Variants in KIF7 observed in about 807,000 individuals in gnomAD.
KIF7 encodes the protein kinesin family member 7, also known as kinesin-like protein KIF7.
In KIF7, 104 loss-of-function variants were observed where a neutral mutation model predicts 135.7. The observed-to-expected ratio is 0.77, with a 90% CI of 0.65 to 0.90. KIF7 has a LOEUF of 0.90. KIF7 is among the 40% of genes least tolerant of loss of function. The probability of loss-of-function intolerance (pLI) is 0.00; values close to 1 mark genes in which losing one functional copy is unlikely to be tolerated. For synonymous variants in KIF7, 883 were observed against 809.4 expected, an observed-to-expected ratio of 1.09 and a Z score of -1.54; for missense variants, 2,005 against 1,839.1, an observed-to-expected ratio of 1.09 and a Z score of -1.65.
Position 89,628,423 on chromosome 15 carries a change from AG to A in KIF7, c.4027del (p.Leu1343CysfsTer36). 1.2e-6 allele frequency: 2 copies of A among 1,605,190 alleles called. No individual in the cohort carries two copies. The highest frequency in any genetic ancestry group is 1.7e-6 in the Non-Finnish European group (2 of 1,175,696). ...GGCAGGGTCTGCCCCGAGGGCTTAC[AG>A]GGGGTTTTTCCGGACATCAATCATC... ...PGMIDVRKNP[L>X] is the part of the protein sequence containing the mutation. On this transcript the variant is annotated frameshift_variant, in exon 19 of 19. Coordinates refer to ENST00000394412, the MANE Select transcript of KIF7 (RefSeq NM_198525.3). LOFTEE classifies it high-confidence loss of function.
At chr15:89,640,264 C>T (rs1963893837) in intron 11 of KIF7, among the ~76,000 whole-genome samples, 1 of 151,300 alleles carries the variant, frequency 6.6e-6, no homozygotes, top group African/African-American at 2.4e-5. Context: ...GCACATTGTG[C>T]ACATGTACCC....
intron 1 of KIF7, among the ~76,000 whole-genome samples, chr15:89,619,360 G>A (rs1232384511): frequency 6.6e-6 from 1 of 151,696 alleles, no homozygotes; most frequent in Admixed American, 6.6e-5. Context: ...CAAGTAGCTG[G>A]GGTTATAGGC....
intron 6 of KIF7, 56 bp downstream of exon 6, chr15:89,647,540 C>G: frequency 6.7e-7 from 1 of 1,483,414 alleles, no homozygotes; most frequent in Non-Finnish European, 9.4e-7. Context: ...TCAGCTCTGC[C>G]TTCCCTTCAT....
the KIF7 span, among the ~76,000 whole-genome samples, chr15:89,660,658 A>C: frequency 2.6e-5 from 4 of 152,224 alleles, no homozygotes; most frequent in African/African-American, 9.6e-5. Context: ...CAGGAGACAG[A>C]AATAAACTCC....
chr15:89,648,960 AG>A lies in KIF7; in HGVS notation c.923+13del. 2 of 1,525,630 alleles carry A rather than the reference AG, an allele frequency of 1.3e-6. No individual in the cohort carries two copies. The highest frequency in any genetic ancestry group is 2.5e-5 in the East Asian group (1 of 40,532). The allele number at this position is 1,525,630 out of a possible 1,614,324, so 94.5% of individuals were successfully genotyped here. ...CCGGCCCCCAGGCCACATAGGAGCC[AG>A]GGGGCAGCTCACCGGGTGATCTTGG... is the stretch of plus-strand genomic sequence containing the variant. On this transcript the variant is annotated intron_variant, in intron 4 of 18. Coordinates refer to ENST00000394412, the MANE Select transcript of KIF7 (RefSeq NM_198525.3).
At chr15:89,626,422 C>T (rs978251416), downstream of KIF7, among the ~76,000 whole-genome samples, 1 of 152,174 alleles carries the variant, frequency 6.6e-6, no homozygotes, top group Admixed American at 6.5e-5. Flanking sequence ...CGGGTTTATC[C>T]GCATGTTCTG....
At chr15:89,625,670 C>T (rs767658912), downstream of KIF7, 1 of 1,613,608 alleles carries the variant, frequency 6.2e-7, no homozygotes, top group East Asian at 2.2e-5. Context: ...GACCGTGGAG[C>T]CAAAAGGATC....
chr15:89,626,606 G>A (rs1963532327), downstream of KIF7, among the ~76,000 whole-genome samples: 1 of 152,036 alleles, frequency 6.6e-6, no homozygotes, highest in African/African-American at 2.4e-5. Flanking sequence ...AGGAGGAGGG[G>A]GCCTTTGGTG....
intron 1 of KIF7, among the ~76,000 whole-genome samples, chr15:89,619,493 A>T (rs1159381221): frequency 6.6e-6 from 1 of 152,132 alleles, no homozygotes; most frequent in East Asian, 1.9e-4. Context: ...GTAATAGTCT[A>T]GTGGGTCAGT....
rs775919883 is a variant in KIF7, at chr15:89,652,681, C to T, written c.250G>A (p.Glu84Lys). ...CVQPLLEAFFEGFNATVFAYG... is the reference protein window; with the variant it reads ...CVQPLLEAFFKGFNATVFAYG... The stretch of plus-strand genomic sequence containing the variant: ...GCAAAGACAGTGGCATTGAAGCCCT[C>T]GAAGAAGGCCTCAAGGAGGGGCTGA... The change falls in exon 2 of 19, where the codon GAG becomes AAG. Residue 84 changes from glutamate (E) to lysine (K), a missense_variant. Glu to Lys is a moderately conservative substitution (Grantham distance 56, BLOSUM62 1). Coordinates refer to ENST00000394412, the MANE Select transcript of KIF7 (RefSeq NM_198525.3). 29 of 1,551,178 alleles carry T rather than the reference C, an allele frequency of 1.9e-5. No individual in the cohort carries two copies. The Admixed American group carries it at 2.9e-4, about 16-fold the overall frequency.
chr15:89,620,913 C>G (rs1963414068), intron 1 of KIF7, among the ~76,000 whole-genome samples: 1 of 149,440 alleles, frequency 6.7e-6, no homozygotes, highest in Admixed American at 6.7e-5. Context: ...TTAGTAGAGA[C>G]AGGTTTCACT....
At chr15:89,618,288 G>A (rs970343269) in intron 1 of KIF7, 12 of 1,310,964 alleles carry the variant, frequency 9.2e-6, no homozygotes, top group East Asian at 6.9e-5. Flanking sequence ...TTGTTACTTG[G>A]CATATCCTAA....
chr15:89,640,440 T>C (rs952718530), intron 11 of KIF7, among the ~76,000 whole-genome samples: 10 of 152,210 alleles, frequency 6.6e-5, no homozygotes, highest in African/African-American at 2.2e-4. Context: ...TGATTATCCC[T>C]ATTTTACAGA....
chr15:89,648,423 C>G lies in KIF7; in HGVS notation c.1275G>C (p.Glu425Asp). 1 of 1,120,688 alleles carries G rather than the reference C, an allele frequency of 8.9e-7. No homozygotes were observed. The highest frequency in any genetic ancestry group is 1.1e-6 in the Non-Finnish European group (1 of 916,620). 69.4% of individuals were successfully genotyped at this position (1,120,688 alleles called of 1,614,324 possible). A position where few individuals can be genotyped will look rare whatever the true frequency, so the allele number is the denominator to read the frequency against. The change falls in exon 5 of 19, where the codon GAG becomes GAC. Residue 425 changes from glutamate to aspartate, a missense_variant. Transcript: ENST00000394412. ...CGGGCAGCCCGGGCTCGGCCTGCAG[C>G]TCGCGCAAGAGGCTGTAGGCGGCGT... is the stretch of plus-strand genomic sequence containing the variant. ...CTDAAYSLLR[E>D]LQAEPGLPGA...
At chr15:89,642,550 A>T in intron 10 of KIF7, 145 bp from the exon 11 acceptor site, 1 of 613,496 alleles carries the variant, frequency 1.6e-6, no homozygotes, top group Non-Finnish European at 2.8e-6. Flanking sequence ...AGTTTACTTA[A>T]TATTTTTCTT....
chr15:89,619,302 T>C (rs1963386271), intron 1 of KIF7, among the ~76,000 whole-genome samples: 1 of 146,576 alleles, frequency 6.8e-6, no homozygotes, highest in Admixed American at 7.0e-5. Flanking sequence ...CTCCGCTCAC[T>C]GCAACCTCCA....
In KIF7 at chr15:89,648,756, C is replaced by T. The variant is rs1964068038; in HGVS notation, c.942G>A (p.Leu314=). ...TCATCACCGTCTTGGCGTTCCCGCC[C>T]AGCGAGTCTTTGAGGATCCTGAGGG... ...SKITRILKDS[L]GGNAKTVMIA... The change falls in exon 5 of 19, where the codon CTG becomes CTA. Residue 314 remains leucine, a synonymous_variant. Transcript: ENST00000394412. 6.5e-7 allele frequency: 1 copy of T among 1,535,304 alleles called. No homozygotes were observed.
chr15:89,627,436 G>A (rs911097728), downstream of KIF7: 25 of 256,778 alleles, frequency 9.7e-5, 1 homozygote, highest in South Asian at 7.7e-4. Context: ...GGAGAAAGGC[G>A]CCCTCCCTGG....
At position 89,628,382 on chromosome 15, in the gene KIF7, C is replaced by A; in HGVS notation, c.*37G>T. Reference sequence around the variant, plus strand: ...AGGCAGCTGCCCCTTTCAGCAGGCTCGGAGTCTCCCTCCAAGGCAGGGTCT... The same window carrying A: ...AGGCAGCTGCCCCTTTCAGCAGGCTAGGAGTCTCCCTCCAAGGCAGGGTCT... On this transcript the variant is annotated 3_prime_UTR_variant, in exon 19 of 19. Transcript: ENST00000394412. The A allele has an allele frequency of 1.3e-6, 2 of 1,572,480 alleles. No individual in the cohort carries two copies. The highest frequency in any genetic ancestry group is 1.9e-5 in the Admixed American group (1 of 54,052).
Sources: allele counts gnomAD v4.1 joint callset (sites outside exome capture counted in the v4.1 genomes callset), GRCh38; gene constraint gnomAD v4.1.1; transcripts MANE v1.5; gene names NCBI Gene and HGNC (gene_info 2026-07-23, HGNC 2026-07-21).